The following OCIAD1 variants were observed in gnomAD, a reference collection of about 807,000 sequenced individuals.
OCIAD1 encodes the protein OCIA domain containing 1, also known as OCIA domain-containing protein 1.
In OCIAD1, 29 loss-of-function variants were observed where a neutral mutation model predicts 38.9. The observed-to-expected ratio is 0.74, with a 90% CI of 0.55 to 1.02. The LOEUF is 1.02. Among genes scored for constraint, OCIAD1 ranks in the 50% least tolerant of loss-of-function variants. OCIAD1 has a pLI of 0.00. For missense variants in OCIAD1, 288 were observed against 289.6 expected, an observed-to-expected ratio of 0.99 and a Z score of 0.04; for synonymous variants, 110 against 92.0, an observed-to-expected ratio of 1.20 and a Z score of -1.12.
chr4:48,825,781 C>G (rs1319954601), intron 1 of OCIAD1, among the ~76,000 whole-genome samples: 2 of 151,654 alleles, frequency 1.3e-5, no homozygotes, highest in East Asian at 3.9e-4. Context: ...TCCCTCCCTC[C>G]CTTCTCTCTC....
intron 6 of OCIAD1, among the ~76,000 whole-genome samples, chr4:48,850,730 C>G (rs534009181): frequency 6.6e-6 from 1 of 152,134 alleles, no homozygotes; most frequent in Non-Finnish European, 1.5e-5. Context: ...TACACCACCA[C>G]GCCTAGCTAA....
chr4:48,859,756 A>C (rs1261859187), intron 8 of OCIAD1, among the ~76,000 whole-genome samples: 2 of 152,168 alleles, frequency 1.3e-5, no homozygotes, highest in Non-Finnish European at 2.9e-5. Context: ...CATGGTCAGA[A>C]AGTGTCACTT....
chr4:48,821,573 C>T (rs543056307), intron 1 of OCIAD1, among the ~76,000 whole-genome samples: 22 of 152,062 alleles, frequency 1.4e-4, no homozygotes, highest in African/African-American at 4.8e-4. Flanking sequence ...AAGAAATAAA[C>T]GTATTTAAAT....
chr4:48,821,726 C>T (rs1286227584), intron 1 of OCIAD1, among the ~76,000 whole-genome samples: 2 of 152,160 alleles, frequency 1.3e-5, no homozygotes, highest in Non-Finnish European at 2.9e-5. Flanking sequence ...GTGCAAAAAT[C>T]ATAAGCATTC....
At chr4:48,824,145 A>AT (rs1777225412) in intron 1 of OCIAD1, among the ~76,000 whole-genome samples, 1 of 151,654 alleles carries the variant, frequency 6.6e-6, no homozygotes, top group Admixed American at 6.6e-5. Flanking sequence ...TGCCCAGCTA[A>AT]TTTTTTGTAT....
upstream of OCIAD1, among the ~76,000 whole-genome samples, chr4:48,826,570 A>G (rs1777253456): frequency 6.6e-6 from 1 of 152,176 alleles, no homozygotes; most frequent in Non-Finnish European, 1.5e-5. Flanking sequence ...GCCAATTACA[A>G]TTAAAAGCCT....
upstream of OCIAD1, among the ~76,000 whole-genome samples, chr4:48,829,047 G>A (rs1371077842): frequency 6.6e-6 from 1 of 152,130 alleles, no homozygotes; most frequent in Non-Finnish European, 1.5e-5. Context: ...GATCACTTGA[G>A]GCCAGGAATT....
intron 7 of OCIAD1, among the ~76,000 whole-genome samples, chr4:48,853,401 T>C (rs1455122755): frequency 2.0e-5 from 3 of 152,216 alleles, no homozygotes; most frequent in Non-Finnish European, 4.4e-5. Context: ...TAAGGGGTAT[T>C]TACTGTAGTA....
intron 1 of OCIAD1, among the ~76,000 whole-genome samples, chr4:48,821,194 T>C (rs1777191464): frequency 6.6e-6 from 1 of 152,214 alleles, no homozygotes; most frequent in Admixed American, 6.5e-5. Flanking sequence ...TTAAAAATCT[T>C]ATCCACCACG....
intron 1 of OCIAD1, among the ~76,000 whole-genome samples, chr4:48,810,414 A>C (rs530941310): frequency 2.0e-5 from 3 of 147,408 alleles, no homozygotes; most frequent in Non-Finnish European, 4.5e-5. Flanking sequence ...GCTTGCAGTG[A>C]GCCAAGATCG....
chr4:48,817,713 A>G (rs776209232), intron 1 of OCIAD1, among the ~76,000 whole-genome samples: 62 of 152,212 alleles, frequency 4.1e-4, no homozygotes, highest in Non-Finnish European at 7.5e-4. Flanking sequence ...CAGTCTGAAG[A>G]CAACTTGGAA....
In OCIAD1 at chr4:48,861,572, GTTAC is replaced by G. The variant is rs932343706; in HGVS notation, c.*814_*817del. 14 of 152,232 alleles carry G rather than the reference GTTAC, an allele frequency of 9.2e-5. No homozygotes were observed. The highest frequency in any genetic ancestry group is 3.4e-4 in the African/African-American group (14 of 41,530). The allele number at this position is 152,232 out of a possible 1,614,324, so 9.4% of individuals were successfully genotyped here. A position where few individuals can be genotyped will look rare whatever the true frequency, so the allele number is the denominator to read the frequency against. ...ATGGTGTCGTGTGCCTGTAGTCCTA[GTTAC>G]TTAAGAGGCTGAGTTGGGAGGATCA... On this transcript the variant is annotated 3_prime_UTR_variant, in exon 9 of 9. Coordinates refer to ENST00000264312, the MANE Select transcript of OCIAD1 (RefSeq NM_017830.4).
At chr4:48,814,401 T>A (rs770656193) in intron 1 of OCIAD1, among the ~76,000 whole-genome samples, 2 of 151,660 alleles carry the variant, frequency 1.3e-5, no homozygotes, top group African/African-American at 2.4e-5. Flanking sequence ...CTCCTCTAAC[T>A]TTTGACTGAG....
chr4:48,843,811 C>G (rs918670513), intron 4 of OCIAD1, among the ~76,000 whole-genome samples: 6 of 152,114 alleles, frequency 3.9e-5, no homozygotes, highest in African/African-American at 1.4e-4. Context: ...TATTATTGTT[C>G]TGCTTCTTTT....
chr4:48,831,870 C>T (rs58497611), intron 1 of OCIAD1, among the ~76,000 whole-genome samples: 2 of 152,176 alleles, frequency 1.3e-5, no homozygotes, highest in East Asian at 1.9e-4. Context: ...ATGCCATTTC[C>T]TGTTTCCATG....
At position 48,833,383 on chromosome 4, in the gene OCIAD1, A is replaced by C. The variant is rs374166183; in HGVS notation, c.59-18A>C. On this transcript the variant is annotated intron_variant, in intron 2 of 8. Coordinates refer to ENST00000264312, the MANE Select transcript of OCIAD1 (RefSeq NM_017830.4). ...ATTATGGATAATTTAATGTTTTCTG[A>C]TTTTCCCTGGTAAAAAGACATAGGG... is the stretch of plus-strand genomic sequence containing the variant. The C allele has an allele frequency of 6.8e-7, 1 of 1,474,846 alleles. No homozygotes were observed. Among genetic ancestry groups the C allele is most frequent in the Non-Finnish European group, 9.4e-7 (1 of 1,066,250 alleles). The allele number at this position is 1,474,846 out of a possible 1,614,324, so 91.4% of individuals were successfully genotyped here.
At chr4:48,836,673 A>G (rs1778016388) in intron 3 of OCIAD1, among the ~76,000 whole-genome samples, 1 of 152,226 alleles carries the variant, frequency 6.6e-6, no homozygotes, top group Non-Finnish European at 1.5e-5. Flanking sequence ...GGAACAAGTG[A>G]TAGTGAAAGA....
At chr4:48,852,888 T>TGTTTTTG (rs71191268) in intron 7 of OCIAD1, among the ~76,000 whole-genome samples, 27 of 127,516 alleles carry the variant, frequency 2.1e-4, no homozygotes, top group South Asian at 2.6e-4. Flanking sequence ...TTTTGTTTTT[T>TGTTTTTG]TTTTTTTTTT....
intron 7 of OCIAD1, among the ~76,000 whole-genome samples, chr4:48,852,808 A>G (rs1015460543): frequency 1.3e-5 from 2 of 152,060 alleles, no homozygotes; most frequent in African/African-American, 4.8e-5. Flanking sequence ...AGAAACGGGA[A>G]ATACAGGTCT....
Sources: allele counts gnomAD v4.1 joint callset (sites outside exome capture counted in the v4.1 genomes callset), GRCh38; gene constraint gnomAD v4.1.1; transcripts MANE v1.5; gene names NCBI Gene and HGNC (gene_info 2026-07-23, HGNC 2026-07-21).